Variants in AAGAB observed in about 807,000 individuals in gnomAD.
The protein encoded by AAGAB is alpha- and gamma-adaptin-binding protein p34.
Under a neutral mutation model 44.1 loss-of-function variants are expected in AAGAB, and 38 were observed. That is an observed-to-expected ratio of 0.86 (90% CI 0.67 to 1.13). The LOEUF (loss-of-function observed/expected upper bound fraction) is 1.13. Ranked by LOEUF, AAGAB falls within the 50% of genes most tolerant of loss-of-function variation. The pLI is 0.00. For missense variants in AAGAB, 450 were observed against 373.8 expected, an observed-to-expected ratio of 1.20 and a Z score of -1.68; for synonymous variants, 131 against 131.8, an observed-to-expected ratio of 0.99 and a Z score of 0.04.
chr15:67,213,622 T>G (rs877177), intron 5 of AAGAB, among the ~76,000 whole-genome samples: 2 of 152,012 alleles, frequency 1.3e-5, no homozygotes, highest in Non-Finnish European at 2.9e-5. Context: ...ATGACAAGCA[T>G]ATGAATTTGG....
Position 67,202,609 on chromosome 15 carries a change from T to C in AAGAB, c.*212A>G. On this transcript the variant is annotated 3_prime_UTR_variant, in exon 10 of 10. Coordinates refer to ENST00000261880, the MANE Select transcript of AAGAB (RefSeq NM_024666.5). ...TATTTAAGAAATCCTCACTCATTAC[T>C]ATCACTGTATTCCTCACTCTCTTAC... 1.9e-6 allele frequency: 1 copy of C among 529,102 alleles called. No homozygotes were observed. Among genetic ancestry groups the C allele is most frequent in the Non-Finnish European group, 3.4e-6 (1 of 297,172 alleles). 32.8% of individuals were successfully genotyped at this position (529,102 alleles called of 1,614,324 possible).
intron 1 of AAGAB, among the ~76,000 whole-genome samples, chr15:67,244,087 G>A (rs1964666192): frequency 6.6e-6 from 1 of 152,170 alleles, no homozygotes. Flanking sequence ...GACAACATCT[G>A]CAGTAGATGC....
chr15:67,205,445 C>G (rs1033319194), intron 7 of AAGAB, among the ~76,000 whole-genome samples: 1 of 152,112 alleles, frequency 6.6e-6, no homozygotes, highest in African/African-American at 2.4e-5. Flanking sequence ...CAGAATCACT[C>G]CATGCCTAAA....
chr15:67,233,596 A>C (rs916363028), intron 4 of AAGAB, among the ~76,000 whole-genome samples: 5 of 152,200 alleles, frequency 3.3e-5, no homozygotes, highest in Non-Finnish European at 7.4e-5. Context: ...GTTTAACAAG[A>C]AGAGCACAGA....
intron 1 of AAGAB, chr15:67,254,287 G>A (rs185687488): frequency 2.8e-4 from 224 of 797,696 alleles, no homozygotes; most frequent in Non-Finnish European, 9.3e-5. Flanking sequence ...ACGGATCCTC[G>A]CAAAAACCTG....
chr15:67,222,242 G>GCACGCACACACACACACACA (rs1555417887), intron 5 of AAGAB, among the ~76,000 whole-genome samples: 1 of 90,044 alleles, frequency 1.1e-5, no homozygotes, highest in Non-Finnish European at 2.3e-5. Context: ...GCGCGCGCGC[G>GCACGCACACACACACACACA]CACACACACA....
At chr15:67,219,973 C>A (rs889238522) in intron 5 of AAGAB, among the ~76,000 whole-genome samples, 7 of 152,024 alleles carry the variant, frequency 4.6e-5, no homozygotes, top group African/African-American at 1.7e-4. Flanking sequence ...ATTAACAGCA[C>A]CTACTATTCT....
chr15:67,228,777 C>T (rs565471918), intron 5 of AAGAB, among the ~76,000 whole-genome samples: 3 of 152,250 alleles, frequency 2.0e-5, no homozygotes, highest in East Asian at 3.9e-4. Flanking sequence ...ACATACACCA[C>T]GGAATACTAC....
intron 5 of AAGAB, among the ~76,000 whole-genome samples, chr15:67,211,004 C>T (rs879558687): frequency 1.3e-5 from 2 of 152,166 alleles, no homozygotes; most frequent in East Asian, 3.8e-4. Flanking sequence ...TTCCCTATAC[C>T]CTTTCCCCTG....
intron 1 of AAGAB, among the ~76,000 whole-genome samples, chr15:67,240,582 T>C (rs2140386437): frequency 6.6e-6 from 1 of 152,354 alleles, no homozygotes; most frequent in East Asian, 1.9e-4. Flanking sequence ...GCCAACCCAG[T>C]TCTAGTAGCA....
intron 7 of AAGAB, among the ~76,000 whole-genome samples, chr15:67,207,886 A>G (rs769733455): frequency 4.6e-5 from 7 of 152,362 alleles, no homozygotes; most frequent in Non-Finnish European, 1.0e-4. Context: ...TCTATAACCA[A>G]TCACTTGAGT....
chr15:67,206,506 C>T (rs1370329702), intron 7 of AAGAB, among the ~76,000 whole-genome samples: 1 of 152,058 alleles, frequency 6.6e-6, no homozygotes, highest in African/African-American at 2.4e-5. Flanking sequence ...CTAATGATGG[C>T]TTTCTATTTT....
At chr15:67,255,058 T>A, upstream of AAGAB, 1 of 1,050,696 alleles carries the variant, frequency 9.5e-7, no homozygotes, top group Non-Finnish European at 1.4e-6. Flanking sequence ...GCCCCTAGAC[T>A]CCCTCCAACT....
chr15:67,250,535 T>C (rs1964838115), intron 1 of AAGAB, among the ~76,000 whole-genome samples: 1 of 152,186 alleles, frequency 6.6e-6, no homozygotes. Flanking sequence ...TTAGGCATTA[T>C]TTTAGCTGCA....
At chr15:67,249,890 A>T (rs1216447940) in intron 1 of AAGAB, among the ~76,000 whole-genome samples, 1 of 152,204 alleles carries the variant, frequency 6.6e-6, no homozygotes, top group Non-Finnish European at 1.5e-5. Context: ...GACCAAACTA[A>T]ATGTGAAAAC....
intron 1 of AAGAB, among the ~76,000 whole-genome samples, chr15:67,237,884 TA>T (rs1013830101): frequency 1.2e-4 from 19 of 152,192 alleles, no homozygotes; most frequent in African/African-American, 4.3e-4. Flanking sequence ...AACTAGAAAT[TA>T]AATTTTAACT....
At chr15:67,247,357 A>T (rs1419005026) in intron 1 of AAGAB, among the ~76,000 whole-genome samples, 1 of 152,202 alleles carries the variant, frequency 6.6e-6, no homozygotes, top group Non-Finnish European at 1.5e-5. Flanking sequence ...TTTGTTGAGG[A>T]ATTACTGGGG....
chr15:67,206,504 G>A lies in AAGAB; in HGVS notation c.715+2058C>T, dbSNP rs147898566. On this transcript the variant is annotated intron_variant, in intron 7 of 9. Coordinates refer to ENST00000261880, the MANE Select transcript of AAGAB (RefSeq NM_024666.5). The stretch of plus-strand genomic sequence containing the variant: ...ATTACTGTGTTTTGTGCCTAATGAT[G>A]GCTTTCTATTTTCCTCATTCCTTCT... Among the ~76,000 whole-genome samples, 96 of 152,166 alleles carry A rather than the reference G, an allele frequency of 6.3e-4. 1 individual carries two copies. The highest frequency in any genetic ancestry group is 4.3e-3 in the Admixed American group (65 of 15,290).
rs1463009216 is a variant in AAGAB, at chr15:67,202,822, C to T, written c.947G>A (p.Ter316=). 6.2e-7 allele frequency: 1 copy of T among 1,613,768 alleles called. No homozygotes were observed. The highest frequency in any genetic ancestry group is 1.1e-5 in the South Asian group (1 of 91,070). Residue 316 remains the stop codon, a stop_retained_variant, in exon 10 of 10, where the codon TGA becomes TAA. Coordinates refer to ENST00000261880, the MANE Select transcript of AAGAB (RefSeq NM_024666.5). ...TGGTCAAACCCTAGTATGAATAATT[C>T]AGTGCTCTTCATCAGATGAAAGGCC... is the stretch of plus-strand genomic sequence containing the variant. ...IEGLSSDEEH[*]
Sources: allele counts gnomAD v4.1 joint callset (sites outside exome capture counted in the v4.1 genomes callset), GRCh38; gene constraint gnomAD v4.1.1; transcripts MANE v1.5; gene names NCBI Gene and HGNC (gene_info 2026-07-23, HGNC 2026-07-21).